The following ITPK1 variants were observed in gnomAD, a reference collection of about 807,000 sequenced individuals.
ITPK1 encodes inositol 1,3,4-trisphosphate 5/6-kinase.
In ITPK1, 21 loss-of-function variants were observed where a neutral mutation model predicts 45.3. That is an observed-to-expected ratio of 0.46 (90% confidence interval 0.33 to 0.67). The LOEUF (loss-of-function observed/expected upper bound fraction) is 0.67. Ranked by LOEUF, ITPK1 falls within the 30% of genes least tolerant of loss-of-function variation. The probability of loss-of-function intolerance (pLI) is 0.02; values close to 1 mark genes in which losing one functional copy is unlikely to be tolerated. For missense variants in ITPK1, 474 were observed against 573.5 expected (o/e 0.83, Z 1.77); for synonymous variants, 258 against 253.6 (o/e 1.02, Z -0.16).
chr14:93,027,364 A>T (rs1888788374), intron 3 of ITPK1, among the ~76,000 whole-genome samples: 1 of 152,200 alleles, frequency 6.6e-6, no homozygotes, highest in East Asian at 1.9e-4. Context: ...CCAATAACTA[A>T]CATCCATCGA....
Position 92,962,783 on chromosome 14 carries a change from A to C in ITPK1, c.431T>G (p.Leu144Arg). 6.2e-7 allele frequency: 1 copy of C among 1,614,068 alleles called. No homozygotes were observed. The highest frequency in any genetic ancestry group is 8.5e-7 in the Non-Finnish European group (1 of 1,179,928). Residue 144 changes from leucine to arginine, a missense_variant, in exon 6 of 11, where the codon CTG (leucine) becomes CGG (arginine). Around this residue, in one of 2 missense-constraint regions of ITPK1, gnomAD observed 367 missense variants for 480.6 expected, o/e 0.76. Coordinates refer to ENST00000267615, the MANE Select transcript of ITPK1 (RefSeq NM_014216.6). Reference sequence around the variant, plus strand: ...GAAAGTCAAGCCGTTCTTCTCCAGCAGCCGCATGGTGTCATCCCCGCACAG... The same window carrying C: ...GAAAGTCAAGCCGTTCTTCTCCAGCCGCCGCATGGTGTCATCCCCGCACAG... ...TSLCGDDTMR[L>R]LEKNGLTFPF...
At chr14:93,056,825 T>A (rs1478114516) in intron 3 of ITPK1, among the ~76,000 whole-genome samples, 1 of 152,242 alleles carries the variant, frequency 6.6e-6, no homozygotes, top group Non-Finnish European at 1.5e-5. Context: ...GGGGAATTTA[T>A]GAGAAATTAA....
intron 2 of ITPK1, among the ~76,000 whole-genome samples, chr14:93,088,341 G>GTTTTTTTTTTTTTTT (rs1179019290): frequency 1.2e-4 from 16 of 132,712 alleles, no homozygotes; most frequent in African/African-American, 4.2e-4. Context: ...GTTTTGTTTT[G>GTTTTTTTTTTTTTTT]TTTTTTTTTT....
chr14:93,079,809 G>GGAA (rs1449591256), intron 2 of ITPK1, among the ~76,000 whole-genome samples: 1 of 152,226 alleles, frequency 6.6e-6, no homozygotes, highest in Non-Finnish European at 1.5e-5. Context: ...AGAGGGAGAA[G>GGAA]GAAGGGACAT....
intron 4 of ITPK1, among the ~76,000 whole-genome samples, chr14:92,995,075 AGCCGGGAGAGGG>A (rs1359209416): frequency 6.6e-6 from 1 of 152,194 alleles, no homozygotes; most frequent in African/African-American, 2.4e-5. Context: ...CACCACTGGG[AGCCGGGAGAGGG>A]GCAGGGAAGC....
chr14:93,078,006 G>C (rs902345286), intron 2 of ITPK1, among the ~76,000 whole-genome samples: 1 of 152,152 alleles, frequency 6.6e-6, no homozygotes, highest in Non-Finnish European at 1.5e-5. Context: ...CTTGGAGCAG[G>C]GACTATGCCA....
chr14:92,980,107 T>C (rs1339744037), intron 5 of ITPK1, among the ~76,000 whole-genome samples: 3 of 152,156 alleles, frequency 2.0e-5, no homozygotes, highest in Admixed American at 6.5e-5. Flanking sequence ...AGCAGTGTGA[T>C]AACAGACTAT....
intron 5 of ITPK1, among the ~76,000 whole-genome samples, chr14:92,978,800 A>G (rs1012888026): frequency 6.6e-6 from 1 of 152,204 alleles, no homozygotes; most frequent in Non-Finnish European, 1.5e-5. Flanking sequence ...GTCCAGACAG[A>G]AGTCTGCTGC....
chr14:93,105,262 C>A (rs544829313), intron 2 of ITPK1, among the ~76,000 whole-genome samples: 58 of 152,300 alleles, frequency 3.8e-4, no homozygotes, highest in African/African-American at 1.2e-3. Flanking sequence ...CTCCAGCAAA[C>A]CTCCTGGAGG....
At position 92,944,855 on chromosome 14, in the gene ITPK1, G is replaced by A. The variant is rs1014966469; in HGVS notation, c.901+1476C>T. On this transcript the variant is annotated intron_variant, in intron 10 of 10. Coordinates refer to ENST00000267615, the MANE Select transcript of ITPK1 (RefSeq NM_014216.6). ...AGAGGCAATGGAGAAAAACACGATC[G>A]TCGCACGGGTCTGCCCTTTCAGTTC... 5.9e-5 allele frequency among the ~76,000 whole-genome samples: 9 copies of A among 152,120 alleles called. 1 individual carries two copies. The highest frequency in any genetic ancestry group is 1.9e-4 in the East Asian group (1 of 5,194).
At chr14:93,047,238 T>C (rs1033993799) in intron 3 of ITPK1, among the ~76,000 whole-genome samples, 6 of 151,958 alleles carry the variant, frequency 3.9e-5, no homozygotes, top group Non-Finnish European at 8.8e-5. Flanking sequence ...CTCCAGGGGG[T>C]TGACCCACAC....
intron 8 of ITPK1, among the ~76,000 whole-genome samples, chr14:92,952,564 T>G (rs1888008712): frequency 6.6e-6 from 1 of 152,170 alleles, no homozygotes; most frequent in Non-Finnish European, 1.5e-5. Context: ...TCAGAGAATG[T>G]AGGCTTCCAC....
intron 3 of ITPK1, chr14:93,070,050 G>C (rs1284141503): frequency 6.6e-6 from 1 of 152,226 alleles, no homozygotes; most frequent in Non-Finnish European, 1.5e-5. Flanking sequence ...CTAACTGGCT[G>C]CTGCACTTCT....
At chr14:93,106,755 C>T (rs574549003) in intron 2 of ITPK1, among the ~76,000 whole-genome samples, 1 of 152,166 alleles carries the variant, frequency 6.6e-6, no homozygotes, top group Non-Finnish European at 1.5e-5. Context: ...GCACCCAGCA[C>T]AGGCCTGGCC....
chr14:93,056,281 C>T (rs1394110301), intron 3 of ITPK1, among the ~76,000 whole-genome samples: 1 of 152,174 alleles, frequency 6.6e-6, no homozygotes, highest in Non-Finnish European at 1.5e-5. Context: ...CGGTGGCAAA[C>T]ACCAAGAACC....
intron 7 of ITPK1, among the ~76,000 whole-genome samples, chr14:92,959,825 T>C (rs1225295934): frequency 6.6e-6 from 1 of 152,228 alleles, no homozygotes; most frequent in African/African-American, 2.4e-5. Context: ...CAGAGTGGTT[T>C]AGCAGAAATG....
intron 2 of ITPK1, among the ~76,000 whole-genome samples, chr14:93,114,144 C>T (rs777500672): frequency 2.0e-5 from 3 of 152,270 alleles, no homozygotes; most frequent in Non-Finnish European, 4.4e-5. Flanking sequence ...AAAAGGCTTT[C>T]AGAGCTAGAT....
intron 2 of ITPK1, among the ~76,000 whole-genome samples, chr14:93,078,745 G>T (rs1007780629): frequency 6.6e-6 from 1 of 152,052 alleles, no homozygotes; most frequent in African/African-American, 2.4e-5. Context: ...GAGCACCTGT[G>T]GACACCTCAG....
intron 2 of ITPK1, among the ~76,000 whole-genome samples, chr14:93,088,336 GTTTTGTTT>G (rs1346109650): frequency 3.7e-4 from 47 of 126,648 alleles, no homozygotes; most frequent in Admixed American, 2.9e-3. Context: ...TTTTGGTTTT[GTTTTGTTT>G]TTTTTTTTTT....
Sources: allele counts gnomAD v4.1 joint callset (sites outside exome capture counted in the v4.1 genomes callset), GRCh38; gene constraint gnomAD v4.1.1; regional missense constraint gnomAD v4.1.1; transcripts MANE v1.5; gene names NCBI Gene and HGNC (gene_info 2026-07-23, HGNC 2026-07-21).